Variants in SGCZ observed in about 807,000 individuals in gnomAD.
SGCZ encodes zeta-sarcoglycan.
In SGCZ, 40 loss-of-function variants were observed where a neutral mutation model predicts 41.3. The observed-to-expected ratio is 0.97, with a 90% CI of 0.75 to 1.26. SGCZ has a LOEUF of 1.26. SGCZ is among the 50% of genes most tolerant of loss of function. The pLI is 0.00. For missense variants in SGCZ, 552 were observed against 369.8 expected, an observed-to-expected ratio of 1.49 and a Z score of -4.04; for synonymous variants, 206 against 137.5, an observed-to-expected ratio of 1.50 and a Z score of -3.49.
intron 4 of SGCZ, among the ~76,000 whole-genome samples, chr8:14,214,649 A>C (rs140171386): frequency 5.3e-5 from 8 of 152,270 alleles, no homozygotes; most frequent in African/African-American, 1.9e-4. Context: ...CAAACATAAC[A>C]ATATAGGTAT....
At chr8:14,191,551 T>A (rs368401906) in intron 4 of SGCZ, among the ~76,000 whole-genome samples, 11 of 152,286 alleles carry the variant, frequency 7.2e-5, no homozygotes, top group Admixed American at 1.3e-4. Flanking sequence ...TTGGTATGTA[T>A]CATTTGGAAA....
intron 1 of SGCZ, among the ~76,000 whole-genome samples, chr8:15,075,020 A>T (rs2131034141): frequency 6.6e-6 from 1 of 152,156 alleles, no homozygotes; most frequent in East Asian, 1.9e-4. Context: ...CCTAACCCAA[A>T]AGCTTGTCAC....
intron 4 of SGCZ, among the ~76,000 whole-genome samples, chr8:14,237,325 A>G (rs1012631514): frequency 1.2e-4 from 19 of 152,294 alleles, no homozygotes; most frequent in African/African-American, 3.9e-4. Flanking sequence ...GCTGTAATGG[A>G]ATGTTGAGTT....
At chr8:14,637,990 A>G (rs1313954223) in intron 1 of SGCZ, among the ~76,000 whole-genome samples, 1 of 151,658 alleles carries the variant, frequency 6.6e-6, no homozygotes, top group Non-Finnish European at 1.5e-5. Context: ...ATCCTTTGAC[A>G]TTTTAGTAAT....
At chr8:14,606,149 G>A (rs1041539812) in intron 1 of SGCZ, among the ~76,000 whole-genome samples, 3 of 151,442 alleles carry the variant, frequency 2.0e-5, no homozygotes, top group Admixed American at 1.3e-4. Context: ...CTTCACTAAT[G>A]CTAAAATAGT....
chr8:14,638,416 G>C (rs1361641784), intron 1 of SGCZ, among the ~76,000 whole-genome samples: 2 of 151,816 alleles, frequency 1.3e-5, no homozygotes, highest in Admixed American at 1.3e-4. Context: ...ATGTCTCCCA[G>C]TATAAATAAC....
intron 1 of SGCZ, among the ~76,000 whole-genome samples, chr8:14,557,756 C>G (rs941301339): frequency 6.6e-6 from 1 of 151,730 alleles, no homozygotes; most frequent in African/African-American, 2.4e-5. Flanking sequence ...CCTCAAGGAA[C>G]TAGAGAAACA....
intron 2 of SGCZ, among the ~76,000 whole-genome samples, chr8:14,401,387 A>C (rs1289729281): frequency 5.4e-4 from 81 of 150,200 alleles, no homozygotes; most frequent in Admixed American, 5.2e-3. Flanking sequence ...GCTACACCCA[A>C]TAACTCGTCA....
intron 1 of SGCZ, among the ~76,000 whole-genome samples, chr8:14,665,425 G>A (rs1170425718): frequency 6.6e-6 from 1 of 152,054 alleles, no homozygotes; most frequent in East Asian, 1.9e-4. Flanking sequence ...TTGGACATTT[G>A]GCTTGGTTCC....
Position 14,430,741 on chromosome 8 carries a change from G to C in SGCZ, c.235-106537C>G, listed in dbSNP as rs955847806. 5.9e-5 allele frequency among the ~76,000 whole-genome samples: 9 copies of C among 152,170 alleles called. No homozygotes were observed. In the East Asian group the frequency reaches 9.6e-4, roughly 16 times the overall value. Reference sequence around the variant, plus strand: ...AATAAAGGGCATCCAAATCGGAAAAGAGAAAGTCAAAATGTCGTTGTTTAC... The same window carrying C: ...AATAAAGGGCATCCAAATCGGAAAACAGAAAGTCAAAATGTCGTTGTTTAC... On this transcript the variant is annotated intron_variant, in intron 2 of 7. Coordinates refer to ENST00000382080, the MANE Select transcript of SGCZ (RefSeq NM_139167.4).
At chr8:14,674,050 T>C (rs554976004) in intron 1 of SGCZ, among the ~76,000 whole-genome samples, 11 of 152,148 alleles carry the variant, frequency 7.2e-5, no homozygotes, top group Non-Finnish European at 1.0e-4. Flanking sequence ...TGAAGTTCGA[T>C]GAATAAATTT....
intron 4 of SGCZ, among the ~76,000 whole-genome samples, chr8:14,183,996 C>G (rs1263245217): frequency 1.3e-5 from 2 of 151,970 alleles, no homozygotes; most frequent in Non-Finnish European, 2.9e-5. Context: ...GAATACAAGG[C>G]CAATATATAA....
intron 1 of SGCZ, among the ~76,000 whole-genome samples, chr8:15,051,489 T>C (rs564964388): frequency 6.6e-6 from 1 of 152,270 alleles, no homozygotes; most frequent in East Asian, 1.9e-4. Flanking sequence ...CATACATCTC[T>C]TGGTGGACAT....
chr8:14,228,877 G>A (rs190546456), intron 4 of SGCZ, among the ~76,000 whole-genome samples: 39 of 152,208 alleles, frequency 2.6e-4, no homozygotes, highest in Non-Finnish European at 2.5e-4. Flanking sequence ...TGACATATAG[G>A]CATGAATGAT....
chr8:14,291,952 G>A lies in SGCZ; in HGVS notation c.336+32151C>T, dbSNP rs187675314. Among the ~76,000 whole-genome samples, 62 of 152,090 alleles carry A rather than the reference G, an allele frequency of 4.1e-4. 1 individual carries two copies. The highest frequency in any genetic ancestry group is 1.4e-3 in the African/African-American group (60 of 41,536). ...CCCAACTACTTTAATAACATATTCA[G>A]CCAGAAGAAAGGAGATAATAATTGG... On this transcript the variant is annotated intron_variant, in intron 3 of 7. Transcript: ENST00000382080.
At chr8:15,144,212 A>T (rs1164373124) in intron 1 of SGCZ, among the ~76,000 whole-genome samples, 1 of 152,160 alleles carries the variant, frequency 6.6e-6, no homozygotes, top group Admixed American at 6.5e-5. Context: ...TCCACAAATG[A>T]TATCACAGTT....
intron 3 of SGCZ, among the ~76,000 whole-genome samples, chr8:14,260,697 C>T (rs1305773446): frequency 6.6e-6 from 1 of 152,150 alleles, no homozygotes; most frequent in Non-Finnish European, 1.5e-5. Flanking sequence ...AGAACCAACC[C>T]AAATGTCCAA....
At chr8:14,131,544 TG>T (rs1383235976) in intron 5 of SGCZ, among the ~76,000 whole-genome samples, 2 of 152,218 alleles carry the variant, frequency 1.3e-5, no homozygotes, top group African/African-American at 4.8e-5. Flanking sequence ...CCTTCTCTCT[TG>T]CTGCTTTATA....
intron 1 of SGCZ, among the ~76,000 whole-genome samples, chr8:14,621,742 G>A (rs1417047863): frequency 6.6e-6 from 1 of 151,924 alleles, no homozygotes; most frequent in East Asian, 2.0e-4. Flanking sequence ...AGACAGCATG[G>A]GGGAAACCCA....
Sources: gnomAD v4.1 joint callset for allele counts (sites outside exome capture counted in the v4.1 genomes callset) on GRCh38, gnomAD v4.1.1 for gene constraint, MANE v1.5 for transcripts, NCBI Gene and HGNC (gene_info 2026-07-23, HGNC 2026-07-21) for gene names.